CSMD1: variants seen among roughly 807,000 people sequenced by gnomAD.
CSMD1 encodes the protein CUB and Sushi multiple domains 1, also known as CUB and sushi domain-containing protein 1.
In CSMD1, 213 loss-of-function variants were observed where a neutral mutation model predicts 417.5. The ratio of observed to expected loss-of-function variants is 0.51; its 90% CI spans 0.46 to 0.57. CSMD1 has a LOEUF of 0.57. Among genes scored for constraint, CSMD1 ranks in the 20% least tolerant of loss-of-function variants. CSMD1 has a pLI of 0.00. For missense variants in CSMD1, 6,923 were observed against 4,529.7 expected, an observed-to-expected ratio of 1.53 and a Z score of -15.17; for synonymous variants, 2,862 against 1,736.8, an observed-to-expected ratio of 1.65 and a Z score of -16.11.
intron 5 of CSMD1, among the ~76,000 whole-genome samples, chr8:3,984,374 C>A (rs1485799677): frequency 6.6e-6 from 1 of 152,068 alleles, no homozygotes; most frequent in East Asian, 1.9e-4. Flanking sequence ...TCTCTGTTTT[C>A]CTATTTAGAC....
rs569631252 is a variant in CSMD1 at position 4,292,940 on chromosome 8, C to G, written c.415+127013G>C. Among the ~76,000 whole-genome samples, 16 of 152,260 alleles carry G rather than the reference C, an allele frequency of 1.1e-4. 1 individual carries two copies. In the South Asian group the frequency reaches 2.1e-3, roughly 20 times the overall value. Reference sequence around the variant, plus strand: ...CATGGATAGTATTAACAGAAACCAACAAGGGACCCACAAAGCACTCCAGAG... The same window carrying G: ...CATGGATAGTATTAACAGAAACCAAGAAGGGACCCACAAAGCACTCCAGAG... On this transcript the variant is annotated intron_variant, in intron 3 of 69. Coordinates refer to ENST00000635120, the MANE Select transcript of CSMD1 (RefSeq NM_033225.6).
intron 7 of CSMD1, among the ~76,000 whole-genome samples, chr8:3,661,867 A>C (rs932994150): frequency 2.6e-5 from 4 of 152,174 alleles, no homozygotes; most frequent in East Asian, 1.9e-4. Flanking sequence ...TCGGTGTTGA[A>C]GGACGACACA....
chr8:3,969,044 A>C (rs1812888705), intron 5 of CSMD1, among the ~76,000 whole-genome samples: 1 of 152,174 alleles, frequency 6.6e-6, no homozygotes, highest in Non-Finnish European at 1.5e-5. Flanking sequence ...TGAGTTCAGG[A>C]GTTCGAGACC....
chr8:3,298,434 ATAAT>A (rs1186549185), intron 25 of CSMD1, among the ~76,000 whole-genome samples: 3 of 151,838 alleles, frequency 2.0e-5, no homozygotes, highest in Admixed American at 6.6e-5. Context: ...AGTGAGACAC[ATAAT>A]TAATAAAACT....
At chr8:4,757,707 C>T (rs1234908641) in intron 1 of CSMD1, among the ~76,000 whole-genome samples, 1 of 152,020 alleles carries the variant, frequency 6.6e-6, no homozygotes, top group Admixed American at 6.6e-5. Context: ...GTCTGTAATC[C>T]TATCACTTTG....
intron 3 of CSMD1, among the ~76,000 whole-genome samples, chr8:4,133,679 C>G (rs781778427): frequency 3.0e-4 from 44 of 149,112 alleles, no homozygotes; most frequent in Non-Finnish European, 1.2e-4. Flanking sequence ...AAAATATGTA[C>G]AAACATTTTT....
intron 1 of CSMD1, among the ~76,000 whole-genome samples, chr8:4,823,639 AG>A (rs1175221255): frequency 6.6e-6 from 1 of 152,072 alleles, no homozygotes; most frequent in Admixed American, 6.6e-5. Flanking sequence ...CATAGCCTTT[AG>A]AAAGAATAGC....
At chr8:4,631,962 C>T (rs531233411) in intron 2 of CSMD1, among the ~76,000 whole-genome samples, 3 of 152,144 alleles carry the variant, frequency 2.0e-5, no homozygotes, top group South Asian at 2.1e-4. Flanking sequence ...CACTTTCTGA[C>T]TTTCTAAGGA....
intron 23 of CSMD1, among the ~76,000 whole-genome samples, chr8:3,326,152 C>T (rs1046127996): frequency 1.4e-4 from 22 of 152,132 alleles, no homozygotes; most frequent in African/African-American, 2.7e-4. Context: ...GTGGGACGTT[C>T]GACAACATCA....
intron 5 of CSMD1, among the ~76,000 whole-genome samples, chr8:3,906,835 G>C (rs1808147660): frequency 6.6e-6 from 1 of 152,014 alleles, no homozygotes; most frequent in Admixed American, 6.6e-5. Context: ...TATCAAGAAG[G>C]ACAGCATTGT....
intron 50 of CSMD1, among the ~76,000 whole-genome samples, chr8:3,040,337 C>G (rs1443045669): frequency 5.4e-5 from 8 of 148,548 alleles, no homozygotes; most frequent in African/African-American, 2.0e-4. Flanking sequence ...GATTTTAACT[C>G]TTATTGAGTG....
chr8:3,365,093 C>G (rs945478897), intron 20 of CSMD1, among the ~76,000 whole-genome samples: 1 of 152,082 alleles, frequency 6.6e-6, no homozygotes, highest in African/African-American at 2.4e-5. Flanking sequence ...GTGATATTCT[C>G]ATAGCAATAC....
At chr8:4,307,049 G>C (rs1200403719) in intron 3 of CSMD1, among the ~76,000 whole-genome samples, 1 of 151,958 alleles carries the variant, frequency 6.6e-6, no homozygotes, top group Non-Finnish European at 1.5e-5. Flanking sequence ...TGGGGTTTAT[G>C]GTATCCTCAT....
At chr8:4,120,481 T>A (rs569098982) in intron 3 of CSMD1, among the ~76,000 whole-genome samples, 18 of 152,180 alleles carry the variant, frequency 1.2e-4, no homozygotes, top group African/African-American at 4.3e-4. Flanking sequence ...ACACAAATGC[T>A]AGAAGAAGAA....
intron 50 of CSMD1, among the ~76,000 whole-genome samples, chr8:3,050,545 G>T (rs936235289): frequency 6.6e-6 from 1 of 152,118 alleles, no homozygotes; most frequent in East Asian, 1.9e-4. Flanking sequence ...TATTTTGAGA[G>T]AATAGTTCTG....
At chr8:4,203,424 C>A (rs977723725) in intron 3 of CSMD1, among the ~76,000 whole-genome samples, 4 of 152,170 alleles carry the variant, frequency 2.6e-5, no homozygotes, top group African/African-American at 4.8e-5. Flanking sequence ...GTGGTAATAT[C>A]TCACAGCAGC....
intron 1 of CSMD1, among the ~76,000 whole-genome samples, chr8:4,641,851 GA>G (rs35832188): frequency 1.3e-5 from 2 of 151,562 alleles, no homozygotes; most frequent in African/African-American, 2.4e-5. Flanking sequence ...CCCATTGAAG[GA>G]AAAAAAAGTG....
intron 3 of CSMD1, among the ~76,000 whole-genome samples, chr8:4,066,540 A>C (rs914574627): frequency 6.6e-6 from 1 of 152,168 alleles, no homozygotes; most frequent in African/African-American, 2.4e-5. Context: ...ATCTACCTGA[A>C]ATTTTACCAT....
rs565896688 is a variant in CSMD1, at chr8:3,829,917, G to C, written c.819-75875C>G. On this transcript the variant is annotated intron_variant, in intron 5 of 69. Transcript: ENST00000635120. ...ACATAGATCTATTGGGAAAATGAAG[G>C]CTTTTCTCCTTTGAAAAAAAACTGA... 2.0e-5 allele frequency among the ~76,000 whole-genome samples: 3 copies of C among 152,054 alleles called. No individual in the cohort carries two copies. In the South Asian group the frequency reaches 6.2e-4, roughly 32 times the overall value.
Sources: allele counts gnomAD v4.1 joint callset (sites outside exome capture counted in the v4.1 genomes callset), GRCh38; gene constraint gnomAD v4.1.1; transcripts MANE v1.5; gene names NCBI Gene and HGNC (gene_info 2026-07-23, HGNC 2026-07-21).